Variants in RNF150 observed in about 807,000 individuals in gnomAD.
RNF150 encodes the protein ring finger protein 150.
RNF150 carries 24 observed loss-of-function variants against 39.3 expected under a neutral mutation model. The ratio of observed to expected loss-of-function variants is 0.61; its 90% CI spans 0.44 to 0.86. The LOEUF (loss-of-function observed/expected upper bound fraction) is 0.86. Among genes scored for constraint, RNF150 ranks in the 40% least tolerant of loss-of-function variants. The pLI is 0.00. For missense variants in RNF150, 502 were observed against 587.8 expected (o/e 0.85, Z 1.51); for synonymous variants, 255 against 227.3 (o/e 1.12, Z -1.10).
intron 1 of RNF150, among the ~76,000 whole-genome samples, chr4:141,199,152 C>T (rs1728251469): frequency 6.6e-6 from 1 of 152,062 alleles, no homozygotes; most frequent in Non-Finnish European, 1.5e-5. Context: ...TAGAGAAATG[C>T]ACATTAAAAC....
intron 4 of RNF150, among the ~76,000 whole-genome samples, chr4:140,932,165 G>C (rs1346501610): frequency 6.6e-6 from 1 of 152,086 alleles, no homozygotes; most frequent in Non-Finnish European, 1.5e-5. Flanking sequence ...ATACTCCCAG[G>C]CAACATGAAC....
intron 1 of RNF150, among the ~76,000 whole-genome samples, chr4:141,020,291 G>T (rs1735444321): frequency 6.6e-6 from 1 of 151,998 alleles, no homozygotes; most frequent in Non-Finnish European, 1.5e-5. Context: ...AGTTTCATTT[G>T]GGTAATTTAC....
At chr4:140,950,241 G>C (rs919681913) in intron 2 of RNF150, among the ~76,000 whole-genome samples, 1 of 152,190 alleles carries the variant, frequency 6.6e-6, no homozygotes, top group Non-Finnish European at 1.5e-5. Flanking sequence ...AAAACAGAAG[G>C]ACTAAGATTA....
In RNF150 at chr4:141,018,313, C is replaced by T. The variant is rs531195211; in HGVS notation, c.485-50440G>A. 2.6e-5 allele frequency among the ~76,000 whole-genome samples: 4 copies of T among 152,270 alleles called. No homozygotes were observed. The South Asian group carries it at 6.2e-4, about 24-fold the overall frequency. Reference sequence around the variant, plus strand: ...TTGCATGAACCCTCACCACACTCTCCTAATCAGATACACTTCTCCTGGTCT... The same window carrying T: ...TTGCATGAACCCTCACCACACTCTCTTAATCAGATACACTTCTCCTGGTCT... On this transcript the variant is annotated intron_variant, in intron 1 of 6. Coordinates refer to ENST00000515673, the MANE Select transcript of RNF150 (RefSeq NM_020724.2).
At chr4:141,176,503 A>G (rs1403476320) in intron 1 of RNF150, among the ~76,000 whole-genome samples, 2 of 152,202 alleles carry the variant, frequency 1.3e-5, no homozygotes, top group Non-Finnish European at 2.9e-5. Flanking sequence ...TAAAAAAACT[A>G]AAGTTTAGCC....
chr4:141,051,924 T>C (rs1736791813), intron 1 of RNF150, among the ~76,000 whole-genome samples: 2 of 152,114 alleles, frequency 1.3e-5, no homozygotes, highest in South Asian at 4.1e-4. Context: ...TACCTGAGGC[T>C]GGGAAGAAAA....
At chr4:140,945,598 A>G (rs1732270979) in intron 4 of RNF150, among the ~76,000 whole-genome samples, 1 of 147,668 alleles carries the variant, frequency 6.8e-6, no homozygotes, top group Non-Finnish European at 1.5e-5. Context: ...ATATATACAT[A>G]TATACATATA....
In RNF150 at chr4:140,868,326, T is replaced by C. The variant is rs768575091; in HGVS notation, c.1252A>G (p.Met418Val). ...SDSDISLIMA[M>V]EVGLSDVELS... ...TCTACATCAGACAGTCCAACCTCCATTGCCATGATCAAGGAAATGTCAGAA... is the reference window on the plus strand; with the variant it reads ...TCTACATCAGACAGTCCAACCTCCACTGCCATGATCAAGGAAATGTCAGAA... The change falls in exon 7 of 7, where the codon ATG becomes GTG. Residue 418 changes from methionine to valine, a missense_variant. By Grantham distance (21) the Met-to-Val change is conservative. Coordinates refer to ENST00000515673, the MANE Select transcript of RNF150 (RefSeq NM_020724.2). 50 of 1,613,570 alleles carry C rather than the reference T, an allele frequency of 3.1e-5. No homozygotes were observed. The highest frequency in any genetic ancestry group is 3.7e-5 in the Non-Finnish European group (44 of 1,179,590).
intron 1 of RNF150, among the ~76,000 whole-genome samples, chr4:141,081,639 G>A (rs768785904): frequency 2.6e-5 from 4 of 152,232 alleles, no homozygotes; most frequent in Non-Finnish European, 5.9e-5. Context: ...ATAGAGGTCT[G>A]TGAGGTCCAC....
chr4:140,922,532 T>C (rs1239276208), intron 5 of RNF150, among the ~76,000 whole-genome samples: 2 of 151,862 alleles, frequency 1.3e-5, no homozygotes, highest in Non-Finnish European at 1.5e-5. Flanking sequence ...ATCGTGAAAA[T>C]GGCCATACTG....
At chr4:140,930,790 G>T (rs1198978481) in intron 4 of RNF150, among the ~76,000 whole-genome samples, 1 of 152,104 alleles carries the variant, frequency 6.6e-6, no homozygotes, top group Non-Finnish European at 1.5e-5. Flanking sequence ...TATAGCACTG[G>T]TTACGTCACC....
chr4:140,978,296 C>T (rs6829252), intron 1 of RNF150, among the ~76,000 whole-genome samples: 55,933 of 151,972 alleles, frequency 0.37, 11,800 homozygotes, highest in Non-Finnish European at 0.46. Flanking sequence ...ACAACAGATC[C>T]TCTCAGTGTA....
At chr4:141,033,069 T>C (rs1020929779) in intron 1 of RNF150, among the ~76,000 whole-genome samples, 4 of 152,194 alleles carry the variant, frequency 2.6e-5, no homozygotes, top group Non-Finnish European at 1.5e-5. Context: ...CAATTGATTC[T>C]TCCTTTCACC....
At chr4:141,170,868 C>G (rs1191633162) in intron 1 of RNF150, among the ~76,000 whole-genome samples, 1 of 152,156 alleles carries the variant, frequency 6.6e-6, no homozygotes, top group Non-Finnish European at 1.5e-5. Flanking sequence ...AGCAGTGTCT[C>G]CACTGTGACT....
chr4:140,935,010 TA>T, intron 4 of RNF150, among the ~76,000 whole-genome samples: 1 of 104,144 alleles, frequency 9.6e-6, no homozygotes, highest in African/African-American at 3.9e-5. Flanking sequence ...TATATATAAA[TA>T]TATATATATT....
chr4:141,109,873 CCT>C (rs1326959962), intron 1 of RNF150, among the ~76,000 whole-genome samples: 1 of 152,170 alleles, frequency 6.6e-6, no homozygotes. Context: ...CCTGTATTTA[CCT>C]CTGTTTCTTT....
chr4:141,049,549 C>T (rs1240691460), intron 1 of RNF150, among the ~76,000 whole-genome samples: 1 of 151,992 alleles, frequency 6.6e-6, no homozygotes, highest in Non-Finnish European at 1.5e-5. Flanking sequence ...AAAATTAACA[C>T]ATTTTGAATA....
At chr4:140,915,205 A>C (rs7662414) in intron 5 of RNF150, among the ~76,000 whole-genome samples, 83,946 of 152,106 alleles carry the variant, frequency 0.55, 23,665 homozygotes, top group East Asian at 0.89. Flanking sequence ...CAGAGAGTGA[A>C]AAGCTCTTTT....
chr4:140,873,560 T>C (rs186473590), intron 6 of RNF150, among the ~76,000 whole-genome samples: 21 of 152,338 alleles, frequency 1.4e-4, no homozygotes, highest in Admixed American at 1.4e-3. Context: ...GACTATAGTA[T>C]TACTGGATTG....
Sources: allele counts gnomAD v4.1 joint callset (sites outside exome capture counted in the v4.1 genomes callset), GRCh38; gene constraint gnomAD v4.1.1; transcripts MANE v1.5; gene names NCBI Gene and HGNC (gene_info 2026-07-23, HGNC 2026-07-21).